Variants in COLGALT2 observed in about 807,000 individuals in gnomAD.
The protein encoded by COLGALT2 is procollagen galactosyltransferase 2.
A neutral mutation model predicts 73.4 loss-of-function variants in COLGALT2; 49 were observed. The observed-to-expected ratio is 0.67, with a 90% CI of 0.53 to 0.85. The LOEUF (loss-of-function observed/expected upper bound fraction) is 0.85, where lower values mean the gene tolerates loss of function less well. COLGALT2 is among the 40% of genes least tolerant of loss of function. COLGALT2 has a pLI of 0.00. For missense variants in COLGALT2, 722 were observed against 790.2 expected (o/e 0.91, Z 1.03); for synonymous variants, 295 against 307.6 (o/e 0.96, Z 0.43).
chr1:184,033,389 C>G (rs116377667), intron 1 of COLGALT2, among the ~76,000 whole-genome samples: 33 of 152,304 alleles, frequency 2.2e-4, no homozygotes, highest in Non-Finnish European at 3.2e-4. Context: ...TCAGCATATT[C>G]CCAATTCCCT....
Position 183,968,599 on chromosome 1 carries a change from G to C in COLGALT2, c.832+670C>G, listed in dbSNP as rs1021546182. Reference sequence around the variant, plus strand: ...GACGACATTCTGAGCCTCCCTTACAGTGAGGTATTGTCCTGTGACTAAGCT... The same window carrying C: ...GACGACATTCTGAGCCTCCCTTACACTGAGGTATTGTCCTGTGACTAAGCT... On this transcript the variant is annotated intron_variant, in intron 5 of 11. Transcript: ENST00000361927. 9.2e-5 allele frequency among the ~76,000 whole-genome samples: 14 copies of C among 152,198 alleles called. 1 individual carries two copies. Among genetic ancestry groups the C allele is most frequent in the Admixed American group, 7.2e-4 (11 of 15,284 alleles).
intron 1 of COLGALT2, 67 bp downstream of exon 1, chr1:184,037,028 C>A (rs908236812): frequency 6.3e-6 from 8 of 1,271,638 alleles, no homozygotes; most frequent in East Asian, 3.3e-5. Flanking sequence ...CTGCTCCGGG[C>A]GCTGTCCGCG....
chr1:184,006,217 T>C (rs911690883), intron 1 of COLGALT2, among the ~76,000 whole-genome samples: 1 of 152,220 alleles, frequency 6.6e-6, no homozygotes, highest in Non-Finnish European at 1.5e-5. Flanking sequence ...TTTTTATAAA[T>C]AATGCATGGT....
rs376951023 is a variant in COLGALT2, at chr1:183,945,002, C to T, written c.1269+430G>A. Among the ~76,000 whole-genome samples, 6 of 152,310 alleles carry T rather than the reference C, an allele frequency of 3.9e-5. No individual in the cohort carries two copies. In the East Asian group the frequency reaches 1.2e-3, roughly 29 times the overall value. On this transcript the variant is annotated intron_variant, in intron 9 of 11. Coordinates refer to ENST00000361927, the MANE Select transcript of COLGALT2 (RefSeq NM_015101.4). ...CTTGATCTGTAAGACAGGGGTTCCA[C>T]TTCTGGCTCTGCCACTTCTTACCGG...
intron 6 of COLGALT2, among the ~76,000 whole-genome samples, chr1:183,960,460 T>C (rs763581242): frequency 3.3e-5 from 5 of 152,250 alleles, no homozygotes; most frequent in Non-Finnish European, 7.3e-5. Context: ...ATTTCTTTGA[T>C]ATTTTCTCCT....
chr1:183,932,766 CA>C (rs1438935298), downstream of COLGALT2, among the ~76,000 whole-genome samples: 1 of 152,176 alleles, frequency 6.6e-6, no homozygotes, highest in Non-Finnish European at 1.5e-5. Context: ...TGATGTCAAG[CA>C]GCCCTGGGCC....
intron 9 of COLGALT2, among the ~76,000 whole-genome samples, chr1:183,944,665 A>T (rs1356105383): frequency 6.6e-6 from 1 of 151,996 alleles, no homozygotes; most frequent in Non-Finnish European, 1.5e-5. Flanking sequence ...TTGGGGACTG[A>T]TGACCAGAAG....
At chr1:184,013,963 A>G (rs543784620) in intron 1 of COLGALT2, among the ~76,000 whole-genome samples, 2 of 152,312 alleles carry the variant, frequency 1.3e-5, no homozygotes, top group African/African-American at 4.8e-5. Flanking sequence ...CGGTGGGAAT[A>G]TAGGAGACAG....
chr1:183,937,320 T>A lies in COLGALT2; in HGVS notation c.*1441A>T. On this transcript the variant is annotated 3_prime_UTR_variant, in exon 12 of 12. Coordinates refer to ENST00000361927, the MANE Select transcript of COLGALT2 (RefSeq NM_015101.4). The stretch of plus-strand genomic sequence containing the variant: ...GACAAAAATTTACAGATTGAGGGCA[T>A]GAGAACATAAACTTGAGGGAAACCA... The A allele has an allele frequency of 9.4e-7, 1 of 1,058,486 alleles. No homozygotes were observed. Among genetic ancestry groups the A allele is most frequent in the East Asian group, 6.7e-5 (1 of 14,966 alleles). 65.6% of individuals were successfully genotyped at this position (1,058,486 alleles called of 1,614,324 possible).
intron 6 of COLGALT2, among the ~76,000 whole-genome samples, chr1:183,957,070 G>A (rs1014392966): frequency 3.9e-5 from 6 of 152,086 alleles, no homozygotes; most frequent in South Asian, 2.1e-4. Flanking sequence ...CATTGCTTTC[G>A]GGATAGTTTC....
chr1:183,959,863 C>T (rs565780128), intron 6 of COLGALT2, among the ~76,000 whole-genome samples: 11 of 152,256 alleles, frequency 7.2e-5, no homozygotes, highest in Non-Finnish European at 1.6e-4. Flanking sequence ...CTTTATGCCC[C>T]AATCATGCTG....
At position 184,024,655 on chromosome 1, in the gene COLGALT2, C is replaced by CAT. The variant is rs1553325566; in HGVS notation, c.263+12439_263+12440insAT. Among the ~76,000 whole-genome samples the CAT allele has an allele frequency of 5.2e-3, 665 of 128,272 alleles. 4 individuals are homozygous for CAT. The highest frequency in any genetic ancestry group is 6.1e-3 in the Non-Finnish European group (374 of 61,570). The allele number at this position is 128,272 out of a possible 152,430, so 84.2% of individuals were successfully genotyped here. A position where few individuals can be genotyped will look rare whatever the true frequency, so the allele number is the denominator to read the frequency against. ...CGTGAGCCACCACACCCAGCCTCAG[C>CAT]TTTTTTTTTTTTTTTTTTCTGAGCA... On this transcript the variant is annotated intron_variant, in intron 1 of 11. Transcript: ENST00000361927.
At chr1:183,967,212 T>C (rs187443751) in intron 5 of COLGALT2, among the ~76,000 whole-genome samples, 5 of 152,380 alleles carry the variant, frequency 3.3e-5, no homozygotes, top group Admixed American at 2.0e-4. Context: ...ACAGTGAATC[T>C]TTCCTGCCTT....
chr1:183,985,706 G>C (rs1226648218), intron 1 of COLGALT2, among the ~76,000 whole-genome samples: 1 of 152,148 alleles, frequency 6.6e-6, no homozygotes, highest in African/African-American at 2.4e-5. Context: ...GTAGCAGGAT[G>C]GCAACACTGG....
At chr1:183,954,357 A>G (rs1385701124) in intron 7 of COLGALT2, among the ~76,000 whole-genome samples, 1 of 152,224 alleles carries the variant, frequency 6.6e-6, no homozygotes, top group Non-Finnish European at 1.5e-5. Context: ...GAAAGCACAG[A>G]AAGTTCCAGA....
intron 1 of COLGALT2, among the ~76,000 whole-genome samples, chr1:184,026,486 G>A (rs1022478078): frequency 1.3e-5 from 2 of 152,144 alleles, no homozygotes; most frequent in Non-Finnish European, 2.9e-5. Context: ...TTATAATAAT[G>A]CTGCTATATC....
intron 6 of COLGALT2, among the ~76,000 whole-genome samples, chr1:183,962,652 T>C: frequency 6.6e-6 from 1 of 152,052 alleles, no homozygotes; most frequent in East Asian, 1.9e-4. Context: ...TCCTCTCCAT[T>C]CCCACTGTTA....
At chr1:184,000,082 T>C (rs1266525665) in intron 1 of COLGALT2, among the ~76,000 whole-genome samples, 1 of 152,206 alleles carries the variant, frequency 6.6e-6, no homozygotes, top group Admixed American at 6.5e-5. Flanking sequence ...CCTTGACTTA[T>C]TTATAATTGT....
chr1:183,979,608 T>C (rs1227607421), intron 1 of COLGALT2, among the ~76,000 whole-genome samples: 1 of 152,132 alleles, frequency 6.6e-6, no homozygotes, highest in Non-Finnish European at 1.5e-5. Flanking sequence ...AATATGTAAA[T>C]GAATGAGCAT....
Sources: allele counts gnomAD v4.1 joint callset (sites outside exome capture counted in the v4.1 genomes callset), GRCh38; gene constraint gnomAD v4.1.1; transcripts MANE v1.5; gene names NCBI Gene and HGNC (gene_info 2026-07-23, HGNC 2026-07-21).